PPFIA4: variants seen among roughly 807,000 people sequenced by gnomAD.
PPFIA4 encodes liprin-alpha-4.
In PPFIA4, 98 loss-of-function variants were observed where a neutral mutation model predicts 145.7. The ratio of observed to expected loss-of-function variants is 0.67; its 90% CI spans 0.57 to 0.80. The LOEUF (loss-of-function observed/expected upper bound fraction) is 0.80, where lower values mean the gene tolerates loss of function less well. PPFIA4 is among the 30% of genes least tolerant of loss of function. PPFIA4 has a pLI of 0.00. For missense variants in PPFIA4, 1,457 were observed against 1,632.7 expected (o/e 0.89, Z 1.85); for synonymous variants, 628 against 649.6 (o/e 0.97, Z 0.51).
intron 1 of PPFIA4, chr1:203,034,688 T>A (rs1273335694): frequency 2.2e-6 from 1 of 456,614 alleles, no homozygotes; most frequent in East Asian, 7.0e-5. Flanking sequence ...CATGACCATG[T>A]TGGCTGCTCT....
chr1:203,049,871 C>T, intron 13 of PPFIA4, 104 bp downstream of exon 13: 1 of 1,020,502 alleles, frequency 9.8e-7, no homozygotes, highest in South Asian at 2.2e-5. Context: ...TCAGGGTCCT[C>T]CTCCTGTTCA....
chr1:203,034,579 C>T (rs1659086161), intron 1 of PPFIA4: 2 of 456,328 alleles, frequency 4.4e-6, no homozygotes, highest in Non-Finnish European at 8.8e-6. Context: ...AGGGAAGCTG[C>T]CTACAACTTG....
chr1:203,032,346 G>A (rs961358491), intron 1 of PPFIA4, among the ~76,000 whole-genome samples: 4 of 151,700 alleles, frequency 2.6e-5, no homozygotes, highest in Admixed American at 6.6e-5. Context: ...AGGTAGGTGT[G>A]ATGTCTATAA....
rs1448525665 is a variant in PPFIA4 at position 203,062,220 on chromosome 1, G to C, written c.2874+542G>C. Among the ~76,000 whole-genome samples the C allele has an allele frequency of 2.6e-5, 4 of 151,964 alleles. No homozygotes were observed. In the East Asian group the frequency reaches 7.8e-4, roughly 29 times the overall value. ...CGGCTGGGCGCGGTGGCTGACACCT[G>C]TAATCCCAGCACTTTGGGAGGCCGA... On this transcript the variant is annotated intron_variant, in intron 24 of 29. Coordinates refer to ENST00000295706, the MANE Select transcript of PPFIA4 (RefSeq NM_001304331.2).
intron 24 of PPFIA4, among the ~76,000 whole-genome samples, chr1:203,062,587 C>T (rs1228436669): frequency 6.6e-6 from 1 of 150,518 alleles, no homozygotes; most frequent in East Asian, 1.9e-4. Flanking sequence ...GGGAGCAGCA[C>T]TGTGTATATC....
At chr1:203,034,345 G>T in intron 1 of PPFIA4, 1 of 424,900 alleles carries the variant, frequency 2.4e-6, no homozygotes, top group South Asian at 1.7e-5. Context: ...CAGCAGGAGA[G>T]GAGGTAGGGC....
rs1379768810 is a variant in PPFIA4 at position 203,075,073 on chromosome 1, A to C, written c.3394-504A>C. On this transcript the variant is annotated intron_variant, in intron 28 of 29. Coordinates refer to ENST00000295706, the MANE Select transcript of PPFIA4 (RefSeq NM_001304331.2). This position sits in a 1 kb window ranked among gnomAD's most constrained non-coding sequence, Gnocchi z 4.1. ...TCACCTGGTACAGGGTCACATAGCCAGTAAAATGGCAGAGCCAGGATTAGA... is the reference window on the plus strand; with the variant it reads ...TCACCTGGTACAGGGTCACATAGCCCGTAAAATGGCAGAGCCAGGATTAGA... Among the ~76,000 whole-genome samples the C allele has an allele frequency of 1.3e-5, 2 of 152,296 alleles. No individual in the cohort carries two copies. The highest frequency in any genetic ancestry group is 3.9e-4 in the East Asian group (2 of 5,186).
chr1:203,051,412 T>G (rs1451645945), intron 13 of PPFIA4: 1 of 804,634 alleles, frequency 1.2e-6, no homozygotes, highest in African/African-American at 1.8e-5. Context: ...GCGCCACGTG[T>G]GTCAGATGGC....
At position 203,063,961 on chromosome 1, in the gene PPFIA4, A is replaced by G. The variant is rs1276833504; in HGVS notation, c.3008A>G (p.Lys1003Arg). Residue 1003 changes from lysine (K) to arginine (R), a missense_variant, in exon 25 of 30, where the codon AAG (lysine) becomes AGG (arginine). This residue lies in a region of PPFIA4 where 848 missense variants were observed against 1,046.7 expected (regional missense o/e 0.81). Coordinates refer to ENST00000295706, the MANE Select transcript of PPFIA4 (RefSeq NM_001304331.2). Reference sequence around the variant, plus strand: ...CGCATGCTGGACCACCTCACCAAGAAGGACCTGCGGGTCCACCTGAAGATG... The same window carrying G: ...CGCATGCTGGACCACCTCACCAAGAGGGACCTGCGGGTCCACCTGAAGATG... ...DARMLDHLTK[K>R]DLRVHLKMVD... The G allele has an allele frequency of 3.7e-6, 6 of 1,613,964 alleles. No homozygotes were observed. The highest frequency in any genetic ancestry group is 5.1e-6 in the Non-Finnish European group (6 of 1,179,906).
intron 24 of PPFIA4, among the ~76,000 whole-genome samples, chr1:203,062,139 A>G (rs1272204656): frequency 6.6e-6 from 1 of 152,068 alleles, no homozygotes; most frequent in Non-Finnish European, 1.5e-5. Context: ...CAGTAAACAA[A>G]TAAAGGAATA....
chr1:203,034,320 G>A (rs1232965521), intron 1 of PPFIA4, among the ~76,000 whole-genome samples: 1 of 152,160 alleles, frequency 6.6e-6, no homozygotes, highest in Non-Finnish European at 1.5e-5. Context: ...GCAGGGCTAG[G>A]GAAGGGCTAG....
At chr1:203,051,497 A>T in intron 13 of PPFIA4, 2 of 650,292 alleles carry the variant, frequency 3.1e-6, no homozygotes, top group Non-Finnish European at 4.4e-6. Flanking sequence ...ATCGTAAGCC[A>T]ACTCTTGCCA....
intron 23 of PPFIA4, 104 bp downstream of exon 23, chr1:203,061,136 T>A (rs1661328746): frequency 9.2e-7 from 1 of 1,083,236 alleles, no homozygotes; most frequent in Admixed American, 1.8e-5. Context: ...CTGCCATCGA[T>A]CTCACGTGAG....
intron 9 of PPFIA4, among the ~76,000 whole-genome samples, chr1:203,047,426 T>G (rs1660165526): frequency 6.6e-6 from 1 of 152,058 alleles, no homozygotes; most frequent in African/African-American, 2.4e-5. Context: ...AGCCTTAGTG[T>G]CTCCCAAAGC....
At chr1:203,037,408 G>A (rs904347321) in intron 1 of PPFIA4, among the ~76,000 whole-genome samples, 3 of 152,168 alleles carry the variant, frequency 2.0e-5, no homozygotes, top group African/African-American at 7.2e-5. Flanking sequence ...GGGAAGGAGG[G>A]AAAATATCAT....
At chr1:203,052,989 T>G (rs1034382285) in intron 14 of PPFIA4, among the ~76,000 whole-genome samples, 20 of 152,266 alleles carry the variant, frequency 1.3e-4, no homozygotes, top group African/African-American at 4.1e-4. Flanking sequence ...GCTTGCTTTG[T>G]GCCAGGCACA....
rs936922701 is a variant in PPFIA4 at position 203,077,130 on chromosome 1, A to G, written c.*740A>G. ...CTGAGCCAAGGGTGAGGATGGGGAA[A>G]CTCTAAGCTCCCACCTAATAAGAAG... On this transcript the variant is annotated 3_prime_UTR_variant, in exon 30 of 30. Transcript: ENST00000295706. 1 of 152,182 alleles carries G rather than the reference A, an allele frequency of 6.6e-6. No individual in the cohort carries two copies. Among genetic ancestry groups the G allele is most frequent in the Non-Finnish European group, 1.5e-5 (1 of 68,084 alleles). The allele number at this position is 152,182 out of a possible 1,614,324, so 9.4% of individuals were successfully genotyped here.
At chr1:203,037,161 T>C in intron 1 of PPFIA4, 1 of 364,006 alleles carries the variant, frequency 2.7e-6, no homozygotes, top group East Asian at 1.0e-4. Flanking sequence ...TCCTTTCCCC[T>C]GTTTCTGCCT....
At chr1:203,062,392 A>G (rs1233949290) in intron 24 of PPFIA4, among the ~76,000 whole-genome samples, 2 of 144,636 alleles carry the variant, frequency 1.4e-5, no homozygotes, top group Non-Finnish European at 3.0e-5. Context: ...AGGCAGGAGA[A>G]TGGCGTGAAC....
Sources: gnomAD v4.1 joint callset for allele counts (sites outside exome capture counted in the v4.1 genomes callset) on GRCh38, gnomAD v4.1.1 for gene constraint, gnomAD v4.1.1 regional missense constraint, Gnocchi (gnomAD v3.1) non-coding constraint, MANE v1.5 for transcripts, NCBI Gene and HGNC (gene_info 2026-07-23, HGNC 2026-07-21) for gene names.